The following CDH18 variants were observed in gnomAD, a reference collection of about 807,000 sequenced individuals.
CDH18 encodes the protein cadherin 18.
Under a neutral mutation model 67.9 loss-of-function variants are expected in CDH18, and 31 were observed. The ratio of observed to expected loss-of-function variants is 0.46; its 90% CI spans 0.34 to 0.62. The LOEUF (loss-of-function observed/expected upper bound fraction) is 0.62, where lower values mean the gene tolerates loss of function less well. Ranked by LOEUF, CDH18 falls within the 20% of genes least tolerant of loss-of-function variation. CDH18 has a pLI of 0.01. For missense variants in CDH18, 890 were observed against 975.5 expected (o/e 0.91, Z 1.17); for synonymous variants, 362 against 347.2 (o/e 1.04, Z -0.48).
intron 1 of CDH18, among the ~76,000 whole-genome samples, chr5:20,369,689 A>G (rs1482388190): frequency 6.6e-6 from 1 of 152,194 alleles, no homozygotes; most frequent in African/African-American, 2.4e-5. Flanking sequence ...ATGAGCCAAC[A>G]TTCTCTGCCT....
intron 4 of CDH18, among the ~76,000 whole-genome samples, chr5:19,731,180 C>T (rs571534318): frequency 1.2e-4 from 19 of 152,162 alleles, no homozygotes; most frequent in Non-Finnish European, 2.4e-4. Flanking sequence ...CCAGGCGCAG[C>T]GGCTTACACC....
At chr5:19,992,644 C>G (rs1694804109), upstream of CDH18, among the ~76,000 whole-genome samples, 1 of 151,960 alleles carries the variant, frequency 6.6e-6, no homozygotes, top group Non-Finnish European at 1.5e-5. Flanking sequence ...GATGAACAGA[C>G]TGCTAGAGGA....
At chr5:19,662,743 GA>G (rs1462259480) in intron 5 of CDH18, among the ~76,000 whole-genome samples, 1 of 151,946 alleles carries the variant, frequency 6.6e-6, no homozygotes, top group Non-Finnish European at 1.5e-5. Context: ...TATAGTGTGT[GA>G]AATTAAGGCA....
intron 1 of CDH18, among the ~76,000 whole-genome samples, chr5:20,272,243 G>A (rs1468335690): frequency 6.6e-6 from 1 of 152,024 alleles, no homozygotes; most frequent in East Asian, 1.9e-4. Flanking sequence ...TTAATTTAAG[G>A]ACTGAAGAGT....
chr5:19,681,428 T>A (rs1052901568), intron 5 of CDH18, among the ~76,000 whole-genome samples: 1 of 151,976 alleles, frequency 6.6e-6, no homozygotes, highest in African/African-American at 2.4e-5. Flanking sequence ...GTTGAATAGT[T>A]TTATTACAGA....
chr5:20,054,815 C>A (rs140321679), intron 2 of CDH18, among the ~76,000 whole-genome samples: 197 of 152,234 alleles, frequency 1.3e-3, no homozygotes, highest in Admixed American at 2.2e-3. Flanking sequence ...TGTTATTAAT[C>A]ATTCTATGGA....
At chr5:20,351,191 T>TGTGCGC (rs1420969028) in intron 1 of CDH18, among the ~76,000 whole-genome samples, 40 of 148,680 alleles carry the variant, frequency 2.7e-4, no homozygotes, top group African/African-American at 9.6e-4. Flanking sequence ...TGTGTGTGTG[T>TGTGCGC]GCGTGTGTGT....
chr5:20,305,787 C>A (rs1182961648), intron 1 of CDH18: 2 of 260,376 alleles, frequency 7.7e-6, no homozygotes, highest in African/African-American at 2.3e-5. Context: ...GAATCTACCC[C>A]CAAAACCAAT....
intron 1 of CDH18, among the ~76,000 whole-genome samples, chr5:20,426,857 G>T (rs1748342306): frequency 6.6e-6 from 1 of 151,112 alleles, no homozygotes; most frequent in Non-Finnish European, 1.5e-5. Flanking sequence ...GCTGACAAGG[G>T]TATGGCTTCT....
At chr5:20,513,805 T>C (rs927469329) in intron 1 of CDH18, among the ~76,000 whole-genome samples, 1 of 152,118 alleles carries the variant, frequency 6.6e-6, no homozygotes, top group Non-Finnish European at 1.5e-5. Context: ...TATATGTCTT[T>C]TAAAAGCTTG....
intron 1 of CDH18, among the ~76,000 whole-genome samples, chr5:20,361,157 T>C (rs1471445106): frequency 6.6e-6 from 1 of 152,004 alleles, no homozygotes; most frequent in African/African-American, 2.4e-5. Flanking sequence ...CATTCATTCA[T>C]TCATTCTTTC....
chr5:19,962,350 C>A (rs530936462), intron 2 of CDH18, among the ~76,000 whole-genome samples: 1 of 92,340 alleles, frequency 1.1e-5, no homozygotes, highest in African/African-American at 4.0e-5. Flanking sequence ...GTGATTACTT[C>A]GTAATTTAGA....
At chr5:19,799,435 A>AACACAC (rs10545142) in intron 3 of CDH18, among the ~76,000 whole-genome samples, 60 of 143,796 alleles carry the variant, frequency 4.2e-4, no homozygotes, top group African/African-American at 1.4e-3. Flanking sequence ...AAATATTCTC[A>AACACAC]ACACACACAC....
intron 1 of CDH18, among the ~76,000 whole-genome samples, chr5:20,424,152 A>T (rs1046498142): frequency 6.6e-6 from 1 of 150,742 alleles, no homozygotes; most frequent in East Asian, 1.9e-4. Context: ...AAAAGAAAAA[A>T]GTAATAATTC....
chr5:19,552,089 A>G (rs2127148423), intron 8 of CDH18, among the ~76,000 whole-genome samples: 1 of 152,266 alleles, frequency 6.6e-6, no homozygotes, highest in African/African-American at 2.4e-5. Flanking sequence ...ATGCCAAGAA[A>G]TCGTGTCTTA....
At chr5:20,274,857 G>A (rs1419098114) in intron 1 of CDH18, among the ~76,000 whole-genome samples, 4 of 151,934 alleles carry the variant, frequency 2.6e-5, no homozygotes, top group African/African-American at 9.7e-5. Context: ...TTCAAATGAT[G>A]GGTGAAAATT....
At chr5:20,074,708 A>C (rs1743771124) in intron 2 of CDH18, among the ~76,000 whole-genome samples, 1 of 146,408 alleles carries the variant, frequency 6.8e-6, no homozygotes, top group Admixed American at 7.1e-5. Flanking sequence ...AAGAATGCTT[A>C]AGTACTTTTA....
intron 3 of CDH18, among the ~76,000 whole-genome samples, chr5:19,773,676 C>T (rs1356700252): frequency 6.6e-6 from 1 of 151,996 alleles, no homozygotes; most frequent in African/African-American, 2.4e-5. Context: ...ATAGAAGACA[C>T]TAAAATGTAA....
At chr5:19,762,547 T>G (rs1466751971) in intron 3 of CDH18, among the ~76,000 whole-genome samples, 1 of 151,224 alleles carries the variant, frequency 6.6e-6, no homozygotes, top group Non-Finnish European at 1.5e-5. Context: ...CCAGTGGTTT[T>G]GATACCACTC....
Sources: allele counts gnomAD v4.1 joint callset (sites outside exome capture counted in the v4.1 genomes callset), GRCh38; gene constraint gnomAD v4.1.1; transcripts MANE v1.5; gene names NCBI Gene and HGNC (gene_info 2026-07-23, HGNC 2026-07-21).